The following CAMK1D variants were observed in gnomAD, a reference collection of about 807,000 sequenced individuals.
CAMK1D encodes calcium/calmodulin dependent protein kinase ID.
Under a neutral mutation model 47.7 loss-of-function variants are expected in CAMK1D, and 9 were observed. The observed-to-expected ratio is 0.19, with a 90% CI of 0.11 to 0.33. The LOEUF (loss-of-function observed/expected upper bound fraction) is 0.33, where lower values mean the gene tolerates loss of function less well. CAMK1D is among the 10% of genes least tolerant of loss of function. The pLI, the probability that CAMK1D is intolerant of heterozygous loss-of-function variation, is 1.00. For missense variants in CAMK1D, 291 were observed against 488.7 expected (o/e 0.60, Z 3.81); for synonymous variants, 184 against 184.9 (o/e 0.99, Z 0.04).
At chr10:12,678,334 A>G (rs1315782967) in intron 3 of CAMK1D, among the ~76,000 whole-genome samples, 1 of 152,064 alleles carries the variant, frequency 6.6e-6, no homozygotes, top group East Asian at 1.9e-4. Context: ...GTTTCCTTTT[A>G]TTGTGATTGG....
chr10:12,742,614 C>T (rs1835482841), intron 3 of CAMK1D, among the ~76,000 whole-genome samples: 2 of 152,188 alleles, frequency 1.3e-5, no homozygotes, highest in African/African-American at 2.4e-5. Flanking sequence ...AAGCAAATCA[C>T]GTGAGCTGAG....
chr10:12,678,502 G>C (rs752276818), intron 3 of CAMK1D, among the ~76,000 whole-genome samples: 10 of 152,192 alleles, frequency 6.6e-5, no homozygotes, highest in Non-Finnish European at 1.5e-4. Context: ...GTTAGGTCCA[G>C]TTGTTCTCCA....
chr10:12,384,852 C>A (rs1838443422), intron 1 of CAMK1D, among the ~76,000 whole-genome samples: 1 of 152,146 alleles, frequency 6.6e-6, no homozygotes, highest in African/African-American at 2.4e-5. Context: ...TGAAAAGACA[C>A]CTCACAGAGT....
At chr10:12,370,418 A>G (rs1312065454) in intron 1 of CAMK1D, among the ~76,000 whole-genome samples, 1 of 152,156 alleles carries the variant, frequency 6.6e-6, no homozygotes, top group African/African-American at 2.4e-5. Context: ...ATTAAAAAAA[A>G]AGTCAACGGT....
chr10:12,826,475 G>A (rs1833212244), intron 10 of CAMK1D, among the ~76,000 whole-genome samples: 1 of 152,124 alleles, frequency 6.6e-6, no homozygotes, highest in Non-Finnish European at 1.5e-5. Flanking sequence ...CTTCGTCTTT[G>A]CATGGGCTAT....
intron 1 of CAMK1D, among the ~76,000 whole-genome samples, chr10:12,415,590 G>A (rs1839818229): frequency 6.6e-6 from 1 of 150,570 alleles, no homozygotes; most frequent in Admixed American, 6.6e-5. Context: ...ATGAGCCACC[G>A]TGCCTGGCCC....
intron 1 of CAMK1D, among the ~76,000 whole-genome samples, chr10:12,407,785 C>A (rs533488291): frequency 6.6e-6 from 1 of 151,896 alleles, no homozygotes; most frequent in Admixed American, 6.6e-5. Flanking sequence ...ACTTCCCCCC[C>A]GGGAAACACA....
chr10:12,818,092 C>A (rs1262192237), intron 8 of CAMK1D, among the ~76,000 whole-genome samples: 3 of 152,102 alleles, frequency 2.0e-5, no homozygotes, highest in Non-Finnish European at 2.9e-5. Context: ...ACCTTGAGAT[C>A]AGGAGAAAAT....
At chr10:12,373,104 G>C (rs1838050376) in intron 1 of CAMK1D, among the ~76,000 whole-genome samples, 1 of 152,190 alleles carries the variant, frequency 6.6e-6, no homozygotes, top group Non-Finnish European at 1.5e-5. Context: ...CGGGGCTTCA[G>C]TGGCAAATGA....
chr10:12,750,227 A>T (rs1423513753), intron 3 of CAMK1D, among the ~76,000 whole-genome samples: 1 of 152,154 alleles, frequency 6.6e-6, no homozygotes, highest in African/African-American at 2.4e-5. Flanking sequence ...TGCCCTGTCC[A>T]TGTGGCACAG....
intron 2 of CAMK1D, among the ~76,000 whole-genome samples, chr10:12,583,102 A>G (rs1157983666): frequency 6.6e-6 from 1 of 152,164 alleles, no homozygotes; most frequent in African/African-American, 2.4e-5. Flanking sequence ...TCAAAAACAA[A>G]AACAAAAGAA....
chr10:12,717,703 T>C (rs1834201284), intron 3 of CAMK1D, among the ~76,000 whole-genome samples: 1 of 140,474 alleles, frequency 7.1e-6, no homozygotes, highest in African/African-American at 2.7e-5. Context: ...CTGGATAACA[T>C]AGAGAGGCTT....
intron 1 of CAMK1D, among the ~76,000 whole-genome samples, chr10:12,494,960 T>TA (rs1834492973): frequency 1.3e-5 from 2 of 152,226 alleles, no homozygotes; most frequent in African/African-American, 4.8e-5. Flanking sequence ...GATCTAGTGA[T>TA]ACAGCTGATT....
chr10:12,500,425 A>G (rs1274779814), intron 1 of CAMK1D, among the ~76,000 whole-genome samples: 1 of 152,208 alleles, frequency 6.6e-6, no homozygotes, highest in Non-Finnish European at 1.5e-5. Flanking sequence ...GAGACATAGC[A>G]TTGCCCAGGG....
At chr10:12,615,974 A>T (rs1325114471) in intron 2 of CAMK1D, among the ~76,000 whole-genome samples, 1 of 149,974 alleles carries the variant, frequency 6.7e-6, no homozygotes, top group Non-Finnish European at 1.5e-5. Flanking sequence ...GTATGTGTGC[A>T]TGTGTGTTGT....
At chr10:12,814,433 G>T in intron 7 of CAMK1D, 126 bp downstream of exon 7, 1 of 561,212 alleles carries the variant, frequency 1.8e-6, no homozygotes, top group South Asian at 2.5e-5. Flanking sequence ...TGTCTTGGTT[G>T]GCTGCTGTAA....
chr10:12,389,722 C>T lies in CAMK1D; in HGVS notation c.92+39812C>T, dbSNP rs184242141. On this transcript the variant is annotated intron_variant, in intron 1 of 10. Transcript: ENST00000619168. ...TTTGAAAGTTGTAGTTAGATGAAAA[C>T]GCCCTCTCTGGACACAGTGTCCTTG... 5.6e-4 allele frequency among the ~76,000 whole-genome samples: 86 copies of T among 152,268 alleles called. 1 individual carries two copies. In the East Asian group the frequency reaches 0.016, roughly 28 times the overall value.
chr10:12,544,827 G>A (rs1277898401), intron 1 of CAMK1D, among the ~76,000 whole-genome samples: 1 of 125,322 alleles, frequency 8.0e-6, no homozygotes, highest in Admixed American at 7.6e-5. Flanking sequence ...GATAGTACTA[G>A]TGTTAAGTGG....
At chr10:12,633,492 T>A (rs553378401) in intron 2 of CAMK1D, among the ~76,000 whole-genome samples, 4 of 152,316 alleles carry the variant, frequency 2.6e-5, no homozygotes, top group Non-Finnish European at 4.4e-5. Flanking sequence ...CTTATATCCC[T>A]GAGCAGACAC....
Sources: gnomAD v4.1 joint callset for allele counts (sites outside exome capture counted in the v4.1 genomes callset) on GRCh38, gnomAD v4.1.1 for gene constraint, MANE v1.5 for transcripts, NCBI Gene and HGNC (gene_info 2026-07-23, HGNC 2026-07-21) for gene names.